RBM4: variants seen among roughly 807,000 people sequenced by gnomAD.
The protein encoded by RBM4 is RNA binding motif protein 4, also known as RNA-binding protein 4.
RBM4 carries 7 observed loss-of-function variants against 29.5 expected under a neutral mutation model. The observed-to-expected ratio is 0.24, with a 90% confidence interval of 0.14 to 0.45. The LOEUF (loss-of-function observed/expected upper bound fraction) is 0.45, where lower values mean the gene tolerates loss of function less well. Ranked by LOEUF, RBM4 falls within the 20% of genes least tolerant of loss-of-function variation. RBM4 has a pLI of 1.00. For missense variants in RBM4, 387 were observed against 502.3 expected (o/e 0.77, Z 2.19); for synonymous variants, 220 against 205.4 (o/e 1.07, Z -0.61).
chr11:66,649,963 G>A (rs1304387068), downstream of RBM4: 3 of 520,442 alleles, frequency 5.8e-6, no homozygotes, highest in Non-Finnish European at 1.0e-5. Context: ...TCTAGTAAAT[G>A]TCTAGCTGGC....
At chr11:66,650,262 G>A (rs1938795986), downstream of RBM4, among the ~76,000 whole-genome samples, 1 of 152,188 alleles carries the variant, frequency 6.6e-6, no homozygotes, top group African/African-American at 2.4e-5. Flanking sequence ...TGTTAACCCT[G>A]TTAACTTTGC....
intron 2 of RBM4, among the ~76,000 whole-genome samples, chr11:66,663,700 A>G (rs904931978): frequency 1.3e-4 from 15 of 116,772 alleles, no homozygotes; most frequent in Non-Finnish European, 1.4e-4. Flanking sequence ...ATGTGTGTGT[A>G]TATGTGTGTG....
At chr11:66,645,071 A>G (rs1018992007) in intron 3 of RBM4, among the ~76,000 whole-genome samples, 1 of 152,154 alleles carries the variant, frequency 6.6e-6, no homozygotes, top group Non-Finnish European at 1.5e-5. Flanking sequence ...GAGCTTTGCC[A>G]TAAGCAAATC....
At chr11:66,653,403 C>G (rs957424182) in intron 2 of RBM4, among the ~76,000 whole-genome samples, 11 of 150,150 alleles carry the variant, frequency 7.3e-5, no homozygotes, top group African/African-American at 2.7e-4. Flanking sequence ...GCTTTGTCAC[C>G]CAGGCTGGAG....
At chr11:66,658,337 C>CTTTTTTTTTTT (rs35133059) in intron 2 of RBM4, among the ~76,000 whole-genome samples, 3 of 50,464 alleles carry the variant, frequency 5.9e-5, no homozygotes, top group African/African-American at 2.3e-4. Flanking sequence ...CTAGTCTGAC[C>CTTTTTTTTTTT]TTTTTTTTTT....
chr11:66,665,479 T>C, intron 2 of RBM4: 2 of 896,354 alleles, frequency 2.2e-6, no homozygotes, highest in Non-Finnish European at 3.5e-6. Flanking sequence ...TTTTGTTTAC[T>C]GAAACATGAA....
intron 2 of RBM4, chr11:66,665,615 C>T: frequency 2.6e-6 from 4 of 1,535,796 alleles, no homozygotes; most frequent in South Asian, 1.2e-5. Flanking sequence ...TTACACAATG[C>T]CTGGAGAGCA....
At chr11:66,665,952 G>C in exon 3 of RBM4, 1 of 1,532,724 alleles carries the variant, frequency 6.5e-7, no homozygotes, top group South Asian at 1.2e-5. Context: ...TCCAGGAAAA[G>C]CAGAAGATGC....
At chr11:66,666,105 A>G (rs769449988) in exon 3 of RBM4, 93 of 823,762 alleles carry the variant, frequency 1.1e-4, no homozygotes, top group Non-Finnish European at 1.6e-4. Context: ...CAACACACCT[A>G]CATGTCACAC....
In RBM4 at chr11:66,643,300, C is replaced by A. The variant is rs74471396; in HGVS notation, c.413-150C>A. 2.3e-6 allele frequency: 2 copies of A among 852,046 alleles called. No individual in the cohort carries two copies. Among genetic ancestry groups the A allele is most frequent in the Non-Finnish European group, 3.3e-6 (2 of 607,734 alleles). The allele number at this position is 852,046 out of a possible 1,614,324, so 52.8% of individuals were successfully genotyped here. On this transcript the variant is annotated intron_variant, in intron 2 of 3. Coordinates refer to ENST00000310092, the MANE Select transcript of RBM4 (RefSeq NM_002896.4). This position sits in a 1 kb window ranked among gnomAD's most constrained non-coding sequence, Gnocchi z 6.1. ...ATTATACTGAATCTATATGTTGAGTCTTTTTTTTTTTTCCTTTTTATCTTT... is the reference window on the plus strand; with the variant it reads ...ATTATACTGAATCTATATGTTGAGTATTTTTTTTTTTTCCTTTTTATCTTT...
intron 2 of RBM4, among the ~76,000 whole-genome samples, chr11:66,652,996 CAG>C (rs1168401236): frequency 6.6e-6 from 1 of 152,170 alleles, no homozygotes; most frequent in African/African-American, 2.4e-5. Flanking sequence ...TCACAACTAA[CAG>C]GGAGGCTGAG....
At chr11:66,645,660 A>G (rs1183581196) in intron 3 of RBM4, among the ~76,000 whole-genome samples, 3 of 152,008 alleles carry the variant, frequency 2.0e-5, no homozygotes, top group African/African-American at 7.2e-5. Context: ...TTTAAACCTC[A>G]GGGAGCTAAT....
chr11:66,639,870 C>G lies in RBM4; in HGVS notation c.159C>G (p.Arg53=). 1 of 1,614,144 alleles carries G rather than the reference C, an allele frequency of 6.2e-7. No homozygotes were observed. The highest frequency in any genetic ancestry group is 1.7e-5 in the Admixed American group (1 of 60,008). ...EDKTAAEDAI[R]NLHHYKLHGV... is the part of the protein sequence containing the mutation. ...AGACGGCAGCTGAGGATGCCATACGCAACCTGCACCATTACAAGCTTCATG... is the reference window on the plus strand; with the variant it reads ...AGACGGCAGCTGAGGATGCCATACGGAACCTGCACCATTACAAGCTTCATG... Residue 53 remains arginine (R), a synonymous_variant, in exon 2 of 4, where the codon CGC becomes CGG. Coordinates refer to ENST00000310092, the MANE Select transcript of RBM4 (RefSeq NM_002896.4).
chr11:66,644,759 G>A (rs1938619452), intron 3 of RBM4: 1 of 902,002 alleles, frequency 1.1e-6, no homozygotes, highest in African/African-American at 1.8e-5. Flanking sequence ...TTGGGGTAGA[G>A]AGAAATACAA....
chr11:66,642,651 C>CT (rs1565080870), intron 2 of RBM4, among the ~76,000 whole-genome samples: 2 of 152,238 alleles, frequency 1.3e-5, no homozygotes, highest in South Asian at 4.1e-4. Flanking sequence ...TTATTCTCCA[C>CT]TTTCCTCAGG....
Position 66,646,153 on chromosome 11 carries a change from TTACC to T in RBM4, c.*137_*140del. The T allele has an allele frequency of 3.3e-6, 5 of 1,527,850 alleles. No individual in the cohort carries two copies. The highest frequency in any genetic ancestry group is 3.5e-6 in the Non-Finnish European group (4 of 1,142,348). The allele number at this position is 1,527,850 out of a possible 1,614,324, so 94.6% of individuals were successfully genotyped here. Reference sequence around the variant, plus strand: ...TCCCTCAGGAACCGTGGACCTTAATTTACCTTGCTAAGTTCAGACCTTCTCTTCC... The same window carrying T: ...TCCCTCAGGAACCGTGGACCTTAATTTTGCTAAGTTCAGACCTTCTCTTCC... On this transcript the variant is annotated 3_prime_UTR_variant, in exon 4 of 4. Transcript: ENST00000310092.
chr11:66,664,734 C>T (rs1939164516), intron 2 of RBM4, among the ~76,000 whole-genome samples: 1 of 152,174 alleles, frequency 6.6e-6, no homozygotes, highest in Non-Finnish European at 1.5e-5. Flanking sequence ...GGATTACAGG[C>T]GTGAGCCATC....
intron 2 of RBM4, among the ~76,000 whole-genome samples, chr11:66,651,575 C>G (rs1938832881): frequency 6.6e-6 from 1 of 152,122 alleles, no homozygotes; most frequent in African/African-American, 2.4e-5. Flanking sequence ...GTCTCGATCT[C>G]CTGACCTCTT....
At chr11:66,644,511 C>T in intron 3 of RBM4, 1 of 266,768 alleles carries the variant, frequency 3.7e-6, no homozygotes. Context: ...TGTTAAGTTT[C>T]CTACGTGTGC....
Sources: allele counts gnomAD v4.1 joint callset (sites outside exome capture counted in the v4.1 genomes callset), GRCh38; gene constraint gnomAD v4.1.1; non-coding constraint Gnocchi (gnomAD v3.1); transcripts MANE v1.5; gene names NCBI Gene and HGNC (gene_info 2026-07-23, HGNC 2026-07-21).